Variants in EFHD1 observed in about 807,000 individuals in gnomAD.
EFHD1 encodes EF-hand domain family member D1, also known as EF-hand domain-containing protein D1.
In EFHD1, 10 loss-of-function variants were observed where a neutral mutation model predicts 17.2. That is an observed-to-expected ratio of 0.58 (90% confidence interval 0.36 to 0.99). The LOEUF (loss-of-function observed/expected upper bound fraction) is 0.99, where lower values mean the gene tolerates loss of function less well. Ranked by LOEUF, EFHD1 falls within the 50% of genes least tolerant of loss-of-function variation. The probability of loss-of-function intolerance (pLI) is 0.01; values close to 1 mark genes in which losing one functional copy is unlikely to be tolerated. For missense variants in EFHD1, 310 were observed against 327.5 expected, an observed-to-expected ratio of 0.95 and a Z score of 0.41; for synonymous variants, 153 against 142.0, an observed-to-expected ratio of 1.08 and a Z score of -0.55.
At chr2:232,643,769 C>T (rs900466815) in intron 1 of EFHD1, among the ~76,000 whole-genome samples, 3 of 152,132 alleles carry the variant, frequency 2.0e-5, no homozygotes, top group Non-Finnish European at 4.4e-5. Context: ...CTGCAACCTC[C>T]ACCTCCTGGG....
chr2:232,617,924 G>A (rs192781772), intron 1 of EFHD1, among the ~76,000 whole-genome samples: 1 of 146,930 alleles, frequency 6.8e-6, no homozygotes, highest in Admixed American at 6.9e-5. Context: ...ACTCCAGCCT[G>A]GGTGGCAGAA....
chr2:232,613,652 A>C (rs1379554466), intron 1 of EFHD1, among the ~76,000 whole-genome samples: 1 of 138,216 alleles, frequency 7.2e-6, no homozygotes, highest in Admixed American at 7.2e-5. Flanking sequence ...ACATACACAC[A>C]CACACAAATA....
intron 2 of EFHD1, among the ~76,000 whole-genome samples, chr2:232,668,439 G>A (rs1695005359): frequency 6.6e-6 from 1 of 152,068 alleles, no homozygotes; most frequent in Non-Finnish European, 1.5e-5. Flanking sequence ...AAACAGCTCT[G>A]GGGAAGGGAC....
At chr2:232,660,550 C>T (rs1694845742) in intron 1 of EFHD1, among the ~76,000 whole-genome samples, 1 of 151,904 alleles carries the variant, frequency 6.6e-6, no homozygotes, top group Non-Finnish European at 1.5e-5. Context: ...AGGCTGAATG[C>T]AATCAAACTC....
chr2:232,656,205 A>G lies in EFHD1; in HGVS notation c.303-6597A>G, dbSNP rs1694759187. 2.6e-5 allele frequency among the ~76,000 whole-genome samples: 4 copies of G among 152,262 alleles called. No individual in the cohort carries two copies. In the South Asian group the frequency reaches 8.3e-4, roughly 32 times the overall value. On this transcript the variant is annotated intron_variant, in intron 1 of 3. Coordinates refer to ENST00000264059, the MANE Select transcript of EFHD1 (RefSeq NM_025202.4). Reference sequence around the variant, plus strand: ...AGGTCTGTGTGGAGTGGGGCAGACCATGATGAGGTGGGTAGGACTGTGGCC... The same window carrying G: ...AGGTCTGTGTGGAGTGGGGCAGACCGTGATGAGGTGGGTAGGACTGTGGCC...
chr2:232,620,906 G>A (rs949633021), intron 1 of EFHD1, among the ~76,000 whole-genome samples: 1 of 152,106 alleles, frequency 6.6e-6, no homozygotes, highest in African/African-American at 2.4e-5. Flanking sequence ...CTGGGGAGGT[G>A]TGGACACATC....
intron 1 of EFHD1, among the ~76,000 whole-genome samples, chr2:232,653,584 C>T (rs1694699948): frequency 6.6e-6 from 1 of 152,218 alleles, no homozygotes; most frequent in South Asian, 2.1e-4. Flanking sequence ...GCCACCGCTC[C>T]CGGCCTGTGG....
intron 3 of EFHD1, among the ~76,000 whole-genome samples, chr2:232,677,161 C>G (rs1185859621): frequency 1.3e-5 from 2 of 149,742 alleles, no homozygotes; most frequent in Admixed American, 6.7e-5. Context: ...TTGCTTAAGT[C>G]CAGGAGTTTG....
intron 1 of EFHD1, among the ~76,000 whole-genome samples, chr2:232,624,821 T>A (rs532984513): frequency 1.3e-5 from 2 of 152,124 alleles, no homozygotes; most frequent in African/African-American, 4.8e-5. Flanking sequence ...AAGGAGGAGC[T>A]CCACGCTTAC....
intron 1 of EFHD1, among the ~76,000 whole-genome samples, chr2:232,647,128 A>G (rs1332397240): frequency 6.6e-6 from 1 of 152,284 alleles, no homozygotes; most frequent in African/African-American, 2.4e-5. Flanking sequence ...ACAAGACCTC[A>G]TGACCACTCG....
intron 1 of EFHD1, among the ~76,000 whole-genome samples, chr2:232,626,548 AAATT>A (rs1009259519): frequency 2.8e-4 from 43 of 152,290 alleles, no homozygotes; most frequent in Admixed American, 2.0e-3. Context: ...AACTTGCCTA[AAATT>A]AATTAATTAA....
intron 1 of EFHD1, among the ~76,000 whole-genome samples, chr2:232,607,581 G>A (rs959974916): frequency 9.7e-5 from 14 of 144,412 alleles, no homozygotes; most frequent in Non-Finnish European, 2.1e-4. Flanking sequence ...GTAACAGAGC[G>A]AGAATGTCTC....
upstream of EFHD1, chr2:232,633,303 C>A (rs966819291): frequency 1.1e-5 from 3 of 266,774 alleles, no homozygotes; most frequent in African/African-American, 4.5e-5. Flanking sequence ...TCTGAACGGT[C>A]GAGACGCTTT....
chr2:232,646,160 G>A (rs1261629817), intron 1 of EFHD1, among the ~76,000 whole-genome samples: 1 of 152,126 alleles, frequency 6.6e-6, no homozygotes, highest in African/African-American at 2.4e-5. Context: ...CTCTTCACAA[G>A]TTATTTTGGG....
intron 2 of EFHD1, among the ~76,000 whole-genome samples, chr2:232,668,372 G>A (rs1320066249): frequency 6.6e-6 from 1 of 152,216 alleles, no homozygotes; most frequent in Non-Finnish European, 1.5e-5. Context: ...GTCACCTGCT[G>A]ACCTGGCACA....
intron 1 of EFHD1, among the ~76,000 whole-genome samples, chr2:232,624,801 G>C (rs1225770909): frequency 6.6e-6 from 1 of 152,134 alleles, no homozygotes; most frequent in Non-Finnish European, 1.5e-5. Context: ...GCCAGAAGAT[G>C]CTGGCAAAAA....
rs1049858804 is a variant in EFHD1, at chr2:232,682,467, T to C, written c.*748T>C. On this transcript the variant is annotated 3_prime_UTR_variant, in exon 4 of 4. Coordinates refer to ENST00000264059, the MANE Select transcript of EFHD1 (RefSeq NM_025202.4). ...AAAGAATAGTTAGGATACCAATGAGTAAAAGGGTTCCTGTTCACTCTGACT... is the reference window on the plus strand; with the variant it reads ...AAAGAATAGTTAGGATACCAATGAGCAAAAGGGTTCCTGTTCACTCTGACT... The C allele has an allele frequency of 2.6e-5, 4 of 152,214 alleles. No individual in the cohort carries two copies. The highest frequency in any genetic ancestry group is 6.6e-5 in the Admixed American group (1 of 15,262). 9.4% of individuals were successfully genotyped at this position (152,214 alleles called of 1,614,324 possible).
chr2:232,649,006 G>A (rs1460925983), intron 1 of EFHD1, among the ~76,000 whole-genome samples: 2 of 152,162 alleles, frequency 1.3e-5, no homozygotes, highest in African/African-American at 2.4e-5. Flanking sequence ...GTTTCCAACA[G>A]CTGAACCTCT....
chr2:232,615,556 A>G (rs554800883), intron 1 of EFHD1, among the ~76,000 whole-genome samples: 1 of 152,144 alleles, frequency 6.6e-6, no homozygotes, highest in Non-Finnish European at 1.5e-5. Flanking sequence ...TTGTTTCTTC[A>G]AGAGATCACG....
Sources: gnomAD v4.1 joint callset for allele counts (sites outside exome capture counted in the v4.1 genomes callset) on GRCh38, gnomAD v4.1.1 for gene constraint, MANE v1.5 for transcripts, NCBI Gene and HGNC (gene_info 2026-07-23, HGNC 2026-07-21) for gene names.